Variants in EDEM3 observed in about 807,000 individuals in gnomAD.
EDEM3 encodes ER degradation enhancing alpha-mannosidase like protein 3.
EDEM3 carries 60 observed loss-of-function variants against 110.2 expected under a neutral mutation model. The observed-to-expected ratio is 0.54, with a 90% confidence interval of 0.44 to 0.67. EDEM3 has a LOEUF of 0.67. Among genes scored for constraint, EDEM3 ranks in the 30% least tolerant of loss-of-function variants. EDEM3 has a pLI of 0.00. For synonymous variants in EDEM3, 352 were observed against 382.9 expected, an observed-to-expected ratio of 0.92 and a Z score of 0.94; for missense variants, 996 against 1,121.0, an observed-to-expected ratio of 0.89 and a Z score of 1.59.
chr1:184,735,599 T>C (rs1169642798), intron 4 of EDEM3, among the ~76,000 whole-genome samples: 1 of 152,210 alleles, frequency 6.6e-6, no homozygotes, highest in East Asian at 1.9e-4. Context: ...TACGTAAAAA[T>C]TCTAATTTAT....
chr1:184,722,575 G>A (rs150559582), intron 8 of EDEM3, among the ~76,000 whole-genome samples: 1 of 152,048 alleles, frequency 6.6e-6, no homozygotes, highest in Non-Finnish European at 1.5e-5. Flanking sequence ...TCATTTCTTA[G>A]CTTCCTCAGT....
At chr1:184,705,387 T>C (rs1255765665) in intron 18 of EDEM3, among the ~76,000 whole-genome samples, 2 of 152,164 alleles carry the variant, frequency 1.3e-5, no homozygotes, top group African/African-American at 2.4e-5. Flanking sequence ...GATGAATAAA[T>C]ATTTCAGGCT....
At chr1:184,711,913 A>G (rs754749210) in intron 14 of EDEM3, 36 bp from the exon 15 acceptor site, 2 of 1,532,430 alleles carry the variant, frequency 1.3e-6, no homozygotes, top group Middle Eastern at 1.8e-4. Flanking sequence ...AACAGAAATA[A>G]TTATTTTACT....
chr1:184,735,761 G>A lies in EDEM3; in HGVS notation c.346-1118C>T, dbSNP rs538321342. 1.5e-3 allele frequency among the ~76,000 whole-genome samples: 222 copies of A among 152,248 alleles called. 2 individuals carry two copies. Among genetic ancestry groups the A allele is most frequent in the Middle Eastern group, 6.8e-3 (2 of 292 alleles). ...ATCAAGTGGGCAGTAATAAATGCAG[G>A]CACATACAGTGCATCTATCACTTTT... On this transcript the variant is annotated intron_variant, in intron 4 of 19. Transcript: ENST00000318130.
intron 6 of EDEM3, among the ~76,000 whole-genome samples, chr1:184,727,003 C>A (rs984452018): frequency 1.3e-5 from 2 of 152,078 alleles, no homozygotes; most frequent in African/African-American, 4.8e-5. Context: ...TGGAAGACAA[C>A]CAAATAGGCC....
At position 184,712,334 on chromosome 1, in the gene EDEM3, A is replaced by C. The variant is rs1215508968; in HGVS notation, c.1536+99T>G. ...ATGTATATATTTATTCTTACCATAC[A>C]TATATTTATTGAATTCTACTCATGG... is the stretch of plus-strand genomic sequence containing the variant. On this transcript the variant is annotated intron_variant, in intron 14 of 19. Coordinates refer to ENST00000318130, the MANE Select transcript of EDEM3 (RefSeq NM_025191.4). 9.3e-6 allele frequency: 10 copies of C among 1,072,562 alleles called. No individual in the cohort carries two copies. In the East Asian group the frequency reaches 2.4e-4, roughly 26 times the overall value. 66.4% of individuals were successfully genotyped at this position (1,072,562 alleles called of 1,614,324 possible).
intron 17 of EDEM3, 124 bp from the exon 18 acceptor site, chr1:184,706,932 A>G: frequency 1.0e-6 from 1 of 958,740 alleles, no homozygotes; most frequent in Non-Finnish European, 1.5e-6. Context: ...TAACGTATCT[A>G]ACATATAGTC....
chr1:184,721,385 A>G lies in EDEM3; in HGVS notation c.855T>C (p.Asp285=), dbSNP rs760990159. 8 of 1,576,422 alleles carry G rather than the reference A, an allele frequency of 5.1e-6. No homozygotes were observed. Among genetic ancestry groups the G allele is most frequent in the Non-Finnish European group, 6.8e-6 (8 of 1,168,774 alleles). Residue 285 remains aspartate (D), a splice_region_variant and synonymous_variant, in exon 9 of 20, where the codon GAT becomes GAC. Transcript: ENST00000318130. ...NIHTGDWVRK[D]SGVGAGIDSY... Reference sequence around the variant, plus strand: ...AATCAATCCCTGCTCCAACTCCACTATCTATGGAAACACAAATGTGATTTT... The same window carrying G: ...AATCAATCCCTGCTCCAACTCCACTGTCTATGGAAACACAAATGTGATTTT...
Position 184,692,222 on chromosome 1 carries a change from T to A in EDEM3, c.*1841A>T, listed in dbSNP as rs565506995. The stretch of plus-strand genomic sequence containing the variant: ...TGCAATTAAAATGAACAAAGCACTA[T>A]ATCTATCCTTCCATATACTGTATAT... On this transcript the variant is annotated 3_prime_UTR_variant, in exon 20 of 20. Transcript: ENST00000318130. The A allele has an allele frequency of 5.9e-5, 9 of 152,154 alleles. No homozygotes were observed. Among genetic ancestry groups the A allele is most frequent in the Non-Finnish European group, 8.8e-5 (6 of 67,988 alleles). The allele number at this position is 152,154 out of a possible 1,614,324, so 9.4% of individuals were successfully genotyped here. A position where few individuals can be genotyped will look rare whatever the true frequency, so the allele number is the denominator to read the frequency against.
At chr1:184,730,517 T>G (rs1042940596) in intron 6 of EDEM3, among the ~76,000 whole-genome samples, 1 of 151,944 alleles carries the variant, frequency 6.6e-6, no homozygotes. Flanking sequence ...AGCCCAGGAG[T>G]TGGAGGCTGC....
At chr1:184,754,273 C>T (rs568671626) in intron 1 of EDEM3, among the ~76,000 whole-genome samples, 1 of 152,308 alleles carries the variant, frequency 6.6e-6, no homozygotes, top group South Asian at 2.1e-4. Flanking sequence ...ATGTCACCGG[C>T]GGCCAGGGCG....
chr1:184,702,728 AT>A, intron 19 of EDEM3, 82 bp downstream of exon 19: 1 of 1,212,174 alleles, frequency 8.2e-7, no homozygotes, highest in Non-Finnish European at 1.1e-6. Context: ...CCCCAAAACA[AT>A]TTTTTGTGAC....
At chr1:184,726,207 G>A in intron 7 of EDEM3, 48 bp downstream of exon 7, 5 of 1,586,498 alleles carry the variant, frequency 3.2e-6, no homozygotes, top group Non-Finnish European at 4.3e-6. Flanking sequence ...AAGATATAAA[G>A]GTAGTTATGC....
rs192161184 is a variant in EDEM3, at chr1:184,697,574, T to C, written c.2390-3102A>G. ...TCCAACTATGCAAGAATATTTGATA[T>C]ATAGCAAAGATGGTAGTTTAACTGA... On this transcript the variant is annotated intron_variant, in intron 19 of 19. Coordinates refer to ENST00000318130, the MANE Select transcript of EDEM3 (RefSeq NM_025191.4). Among the ~76,000 whole-genome samples the C allele has an allele frequency of 5.3e-5, 8 of 151,952 alleles. No individual in the cohort carries two copies. In the East Asian group the frequency reaches 1.2e-3, roughly 22 times the overall value.
chr1:184,726,475 T>C, intron 6 of EDEM3, 86 bp from the exon 7 acceptor site: 1 of 1,396,148 alleles, frequency 7.2e-7, no homozygotes, highest in Non-Finnish European at 9.7e-7. Flanking sequence ...AGTCTTTGTA[T>C]AAAATCATGA....
chr1:184,700,221 A>C (rs1239288923), intron 19 of EDEM3, among the ~76,000 whole-genome samples: 1 of 151,966 alleles, frequency 6.6e-6, no homozygotes, highest in Non-Finnish European at 1.5e-5. Flanking sequence ...TACTAATGGC[A>C]TGGACTTATC....
At chr1:184,723,656 A>T in intron 8 of EDEM3, 95 bp downstream of exon 8, 1 of 993,628 alleles carries the variant, frequency 1.0e-6, no homozygotes, top group Non-Finnish European at 1.5e-6. Context: ...TATGCTTTAT[A>T]GTATCCCAAA....
intron 13 of EDEM3, 99 bp from the exon 14 acceptor site, chr1:184,712,697 C>A (rs1188811796): frequency 1.3e-6 from 1 of 781,262 alleles, no homozygotes; most frequent in South Asian, 2.2e-5. Context: ...CCTGTCTATA[C>A]CAACTTAGAT....
chr1:184,716,817 C>T (rs1174776130), intron 13 of EDEM3, 71 bp downstream of exon 13: 6 of 1,571,790 alleles, frequency 3.8e-6, no homozygotes, highest in Admixed American at 3.6e-5. Context: ...TATTTGAATC[C>T]TAAATGGTAG....
Sources: gnomAD v4.1 joint callset for allele counts (sites outside exome capture counted in the v4.1 genomes callset) on GRCh38, gnomAD v4.1.1 for gene constraint, MANE v1.5 for transcripts, NCBI Gene and HGNC (gene_info 2026-07-23, HGNC 2026-07-21) for gene names.